The following SCLT1 variants were observed in gnomAD, a reference collection of about 807,000 sequenced individuals.
SCLT1 encodes sodium channel and clathrin linker 1, also known as sodium channel-associated protein 1.
Under a neutral mutation model 112.8 loss-of-function variants are expected in SCLT1, and 78 were observed. The observed-to-expected ratio is 0.69, with a 90% CI of 0.58 to 0.83. SCLT1 has a LOEUF of 0.83. Among genes scored for constraint, SCLT1 ranks in the 40% least tolerant of loss-of-function variants. The pLI is 0.00. For missense variants in SCLT1, 747 were observed against 770.4 expected, an observed-to-expected ratio of 0.97 and a Z score of 0.36; for synonymous variants, 257 against 254.7, an observed-to-expected ratio of 1.01 and a Z score of -0.09.
At chr4:128,946,874 G>A (rs1045748173) in intron 15 of SCLT1, among the ~76,000 whole-genome samples, 4 of 152,160 alleles carry the variant, frequency 2.6e-5, no homozygotes, top group Non-Finnish European at 5.9e-5. Flanking sequence ...TTGTACCTAA[G>A]CTCAGCTTTC....
chr4:128,975,844 A>C (rs1403675853), intron 9 of SCLT1, among the ~76,000 whole-genome samples: 1 of 152,126 alleles, frequency 6.6e-6, no homozygotes, highest in Non-Finnish European at 1.5e-5. Context: ...AACTGGATAA[A>C]GTTTTATTTC....
chr4:128,877,157 T>C (rs185719786), intron 3 of SCLT1, among the ~76,000 whole-genome samples: 255 of 152,352 alleles, frequency 1.7e-3, no homozygotes, highest in Non-Finnish European at 2.9e-3. Context: ...CTGACTTCTG[T>C]AGATAATTAC....
At chr4:129,029,267 G>C (rs1239356186) in intron 5 of SCLT1, among the ~76,000 whole-genome samples, 46 of 151,964 alleles carry the variant, frequency 3.0e-4, no homozygotes, top group Non-Finnish European at 8.8e-5. Context: ...GCAAAGACTT[G>C]GAACCAACCC....
chr4:128,996,287 T>C (rs1383311789), intron 8 of SCLT1, among the ~76,000 whole-genome samples: 1 of 152,124 alleles, frequency 6.6e-6, no homozygotes, highest in Non-Finnish European at 1.5e-5. Flanking sequence ...AATTGGTGTA[T>C]CTGTGGGGAG....
rs115962001 is a variant in SCLT1, at chr4:129,078,767, A to T, written c.102+3539T>A. On this transcript the variant is annotated intron_variant, in intron 2 of 20. Coordinates refer to ENST00000281142, the MANE Select transcript of SCLT1 (RefSeq NM_144643.4). Reference sequence around the variant, plus strand: ...AGCTCTTCACTTTTAATACCTTGAAAATAATTTTAGTTCTGCATTAGTCCA... The same window carrying T: ...AGCTCTTCACTTTTAATACCTTGAATATAATTTTAGTTCTGCATTAGTCCA... Among the ~76,000 whole-genome samples, 1,028 of 152,300 alleles carry T rather than the reference A, an allele frequency of 6.7e-3. 8 individuals are homozygous for T. Among genetic ancestry groups the T allele is most frequent in the Non-Finnish European group, 0.011 (716 of 68,032 alleles).
intron 18 of SCLT1, among the ~76,000 whole-genome samples, chr4:128,902,251 A>G (rs1187679417): frequency 3.3e-5 from 5 of 152,198 alleles, no homozygotes; most frequent in Non-Finnish European, 5.9e-5. Context: ...AGTATCTACC[A>G]CGCTGCTTTA....
intron 2 of SCLT1, among the ~76,000 whole-genome samples, chr4:129,076,214 T>C (rs1751449294): frequency 6.6e-6 from 1 of 152,178 alleles, no homozygotes; most frequent in Admixed American, 6.5e-5. Context: ...ATGTTATTCA[T>C]AGTCCTGTCC....
chr4:129,048,963 T>C (rs1275574448), intron 2 of SCLT1, among the ~76,000 whole-genome samples: 1 of 151,594 alleles, frequency 6.6e-6, no homozygotes, highest in East Asian at 1.9e-4. Flanking sequence ...TGGCAATCAT[T>C]AAAAAGCCAG....
chr4:128,883,169 A>C (rs563200667), downstream of SCLT1, among the ~76,000 whole-genome samples: 26 of 151,314 alleles, frequency 1.7e-4, no homozygotes, highest in African/African-American at 6.1e-4. Flanking sequence ...AAAAAAAAAA[A>C]AAAAAAAAAG....
chr4:128,906,237 G>A (rs948201176), intron 18 of SCLT1, among the ~76,000 whole-genome samples: 6 of 152,038 alleles, frequency 3.9e-5, no homozygotes, highest in South Asian at 2.1e-4. Flanking sequence ...TCGCTCTGTC[G>A]CCCAGGCTGG....
Position 128,891,054 on chromosome 4 carries a change from C to T in SCLT1, c.1908+5G>A, listed in dbSNP as rs765420668. 7 of 1,607,966 alleles carry T rather than the reference C, an allele frequency of 4.4e-6. No individual in the cohort carries two copies. The highest frequency in any genetic ancestry group is 1.6e-4 in the Middle Eastern group (1 of 6,068). Reference sequence around the variant, plus strand: ...AAGCACTTCCCAGGGGAGTCATTATCTCACCTCAGCTACCTTTTCATTTGC... The same window carrying T: ...AAGCACTTCCCAGGGGAGTCATTATTTCACCTCAGCTACCTTTTCATTTGC... On this transcript the variant is annotated splice_donor_5th_base_variant and intron_variant, in intron 19 of 20. Transcript: ENST00000281142.
intron 10 of SCLT1, among the ~76,000 whole-genome samples, chr4:128,969,191 AGGC>A (rs1740461335): frequency 6.6e-6 from 1 of 152,128 alleles, no homozygotes; most frequent in African/African-American, 2.4e-5. Context: ...TTTAGTTGTC[AGGC>A]ATGAATTTGG....
chr4:128,935,169 T>C (rs1335684875), intron 18 of SCLT1, among the ~76,000 whole-genome samples: 1 of 151,930 alleles, frequency 6.6e-6, no homozygotes, highest in African/African-American at 2.4e-5. Flanking sequence ...TAACTGGTAA[T>C]GATTTTTTTT....
rs1473004945 is a variant in SCLT1, at chr4:129,093,247, C to A, written c.-144G>T. The A allele has an allele frequency of 2.8e-6, 2 of 704,896 alleles. No homozygotes were observed. The highest frequency in any genetic ancestry group is 5.0e-6 in the Non-Finnish European group (2 of 397,334). 43.7% of individuals were successfully genotyped at this position (704,896 alleles called of 1,614,324 possible). A position where few individuals can be genotyped will look rare whatever the true frequency, so the allele number is the denominator to read the frequency against. ...CGGTGCAATCTGCATCCTACTCACG[C>A]GGCATCTACAGCCCCGCCACGCTTC... On this transcript the variant is annotated 5_prime_UTR_variant, in exon 1 of 21. Coordinates refer to ENST00000281142, the MANE Select transcript of SCLT1 (RefSeq NM_144643.4).
intron 12 of SCLT1, among the ~76,000 whole-genome samples, chr4:128,958,821 T>C (rs1418475693): frequency 1.3e-5 from 2 of 152,192 alleles, no homozygotes; most frequent in Admixed American, 6.5e-5. Context: ...TAATTAATTC[T>C]TTTTTTATTT....
rs1739280540 is a variant in SCLT1 at position 128,957,086 on chromosome 4, C to T, written c.1086G>A (p.Glu362=). ...LEEKQKEEDI[E]KMKETVSRFV... Reference sequence around the variant, plus strand: ...ACCGAGAAACTGTCTCTTTCATTTTCTCTATGTCTTCTTCTTTTTGCTTCT... The same window carrying T: ...ACCGAGAAACTGTCTCTTTCATTTTTTCTATGTCTTCTTCTTTTTGCTTCT... The change falls in exon 13 of 21, where the codon GAG becomes GAA. Residue 362 remains glutamate, a synonymous_variant. Coordinates refer to ENST00000281142, the MANE Select transcript of SCLT1 (RefSeq NM_144643.4). 6.2e-7 allele frequency: 1 copy of T among 1,601,708 alleles called. No homozygotes were observed. Among genetic ancestry groups the T allele is most frequent in the Non-Finnish European group, 8.5e-7 (1 of 1,172,578 alleles).
chr4:128,962,070 T>C (rs1284240522), intron 11 of SCLT1, among the ~76,000 whole-genome samples: 1 of 152,214 alleles, frequency 6.6e-6, no homozygotes, highest in Non-Finnish European at 1.5e-5. Flanking sequence ...CCTGACCTCC[T>C]TGGCAGGGAA....
intron 17 of SCLT1, among the ~76,000 whole-genome samples, chr4:128,939,750 T>C (rs534331408): frequency 6.6e-6 from 1 of 152,178 alleles, no homozygotes; most frequent in East Asian, 1.9e-4. Context: ...GAAAACTTCA[T>C]ATGATAAATT....
chr4:128,899,349 G>C (rs1204692900), intron 18 of SCLT1, among the ~76,000 whole-genome samples: 1 of 152,160 alleles, frequency 6.6e-6, no homozygotes, highest in African/African-American at 2.4e-5. Flanking sequence ...CTTCATCCCT[G>C]GGATGCCAGG....
Sources: gnomAD v4.1 joint callset for allele counts (sites outside exome capture counted in the v4.1 genomes callset) on GRCh38, gnomAD v4.1.1 for gene constraint, MANE v1.5 for transcripts, NCBI Gene and HGNC (gene_info 2026-07-23, HGNC 2026-07-21) for gene names.